The following PPHLN1 variants were observed in gnomAD, a reference collection of about 807,000 sequenced individuals.
The protein encoded by PPHLN1 is periphilin-1.
In PPHLN1, 29 loss-of-function variants were observed where a neutral mutation model predicts 51.3. The observed-to-expected ratio is 0.57, with a 90% CI of 0.42 to 0.77. The LOEUF (loss-of-function observed/expected upper bound fraction) is 0.77, where lower values mean the gene tolerates loss of function less well. Ranked by LOEUF, PPHLN1 falls within the 30% of genes least tolerant of loss-of-function variation. The probability of loss-of-function intolerance (pLI) is 0.00; values close to 1 mark genes in which losing one functional copy is unlikely to be tolerated. For synonymous variants in PPHLN1, 147 were observed against 147.8 expected (o/e 0.99, Z 0.04); for missense variants, 436 against 438.4 (o/e 0.99, Z 0.05).
chr12:42,380,378 A>G (rs1324293309), intron 5 of PPHLN1, among the ~76,000 whole-genome samples: 1 of 152,070 alleles, frequency 6.6e-6, no homozygotes, highest in Non-Finnish European at 1.5e-5. Context: ...GTCAACAGCC[A>G]TTATTAAGAA....
intron 4 of PPHLN1, among the ~76,000 whole-genome samples, chr12:42,366,113 G>C (rs1313404774): frequency 6.6e-6 from 1 of 151,692 alleles, no homozygotes; most frequent in Admixed American, 6.6e-5. Flanking sequence ...ATGCTTCAGG[G>C]TTATGGATAA....
intron 9 of PPHLN1, among the ~76,000 whole-genome samples, chr12:42,417,937 T>TTG (rs1565989109): frequency 6.1e-5 from 3 of 49,344 alleles, no homozygotes; most frequent in African/African-American, 1.2e-4. Flanking sequence ...TTTTTGTTTT[T>TTG]TTTTTGTTTT....
intron 9 of PPHLN1, among the ~76,000 whole-genome samples, chr12:42,414,076 G>T (rs1280168438): frequency 1.3e-5 from 2 of 151,822 alleles, no homozygotes; most frequent in African/African-American, 4.8e-5. Context: ...CACTCTTGTT[G>T]CTCAGGCTGG....
At chr12:42,391,769 G>A (rs148171499) in intron 7 of PPHLN1, among the ~76,000 whole-genome samples, 1 of 152,126 alleles carries the variant, frequency 6.6e-6, no homozygotes, top group African/African-American at 2.4e-5. Context: ...ATATGGACAC[G>A]GCTTTGGAAT....
At chr12:42,348,343 A>G (rs935798493) in intron 2 of PPHLN1, among the ~76,000 whole-genome samples, 1 of 142,168 alleles carries the variant, frequency 7.0e-6, no homozygotes, top group African/African-American at 2.7e-5. Context: ...GCTGGTCTCA[A>G]TCTCCTAACC....
chr12:42,340,364 T>G (rs1316818564), intron 2 of PPHLN1, among the ~76,000 whole-genome samples: 2 of 152,070 alleles, frequency 1.3e-5, no homozygotes, highest in Non-Finnish European at 2.9e-5. Flanking sequence ...ATCTAGTTAT[T>G]TTAAAAACCA....
At chr12:42,333,087 A>T (rs1235527247) in intron 1 of PPHLN1, among the ~76,000 whole-genome samples, 2 of 152,166 alleles carry the variant, frequency 1.3e-5, no homozygotes, top group East Asian at 3.8e-4. Context: ...TAGTCTGTAC[A>T]TATGCATATA....
downstream of PPHLN1, chr12:42,444,508 G>A (rs2083188528): frequency 6.6e-6 from 1 of 151,218 alleles, no homozygotes; most frequent in Non-Finnish European, 1.5e-5. Context: ...GGATTAATAG[G>A]ACAGATGGCC....
intron 2 of PPHLN1, among the ~76,000 whole-genome samples, chr12:42,351,024 G>A (rs1460203856): frequency 1.3e-5 from 2 of 151,936 alleles, no homozygotes; most frequent in East Asian, 1.9e-4. Context: ...AGGGGAAGAG[G>A]GAGAGGGTTT....
chr12:42,380,299 TTTTG>T (rs1438172888), intron 5 of PPHLN1, among the ~76,000 whole-genome samples: 3 of 152,122 alleles, frequency 2.0e-5, no homozygotes, highest in African/African-American at 4.8e-5. Flanking sequence ...TTATTGTTTA[TTTTG>T]TTTGTTTGGC....
At chr12:42,446,620 TGC>T, downstream of PPHLN1, 1 of 1,613,328 alleles carries the variant, frequency 6.2e-7, no homozygotes, top group Non-Finnish European at 8.5e-7. Flanking sequence ...AAGCAGTAAC[TGC>T]TATGCCTGAC....
chr12:42,425,038 T>G (rs201404109), intron 9 of PPHLN1, among the ~76,000 whole-genome samples: 51 of 136,964 alleles, frequency 3.7e-4, no homozygotes, highest in African/African-American at 1.3e-3. Context: ...TTATTTTATT[T>G]TATGTATGTA....
chr12:42,409,171 A>G (rs1223778670), intron 9 of PPHLN1, among the ~76,000 whole-genome samples: 1 of 152,198 alleles, frequency 6.6e-6, no homozygotes, highest in Non-Finnish European at 1.5e-5. Context: ...GGAACTATGG[A>G]AAGCAAAACT....
rs143153198 is a variant in PPHLN1 at position 42,403,890 on chromosome 12, A to C, written c.909+4896A>C. Among the ~76,000 whole-genome samples, 61 of 152,324 alleles carry C rather than the reference A, an allele frequency of 4.0e-4. 1 individual carries two copies. The East Asian group carries it at 0.011, about 28-fold the overall frequency. ...GGTAAGGATTTTACCTAGTGGTTCCAAATTACTGTCCCATGCTACTCAATT... is the reference window on the plus strand; with the variant it reads ...GGTAAGGATTTTACCTAGTGGTTCCCAATTACTGTCCCATGCTACTCAATT... On this transcript the variant is annotated intron_variant, in intron 9 of 9. Transcript: ENST00000358314.
chr12:42,345,104 G>A (rs758373103), intron 2 of PPHLN1, among the ~76,000 whole-genome samples: 8 of 152,038 alleles, frequency 5.3e-5, no homozygotes, highest in Non-Finnish European at 7.4e-5. Context: ...TCCTGTAACC[G>A]ATAGGTATAT....
chr12:42,336,231 A>G (rs998194583), intron 2 of PPHLN1, among the ~76,000 whole-genome samples: 2 of 152,234 alleles, frequency 1.3e-5, no homozygotes, highest in East Asian at 1.9e-4. Flanking sequence ...TTAATTTGTG[A>G]ACAAAATTAC....
chr12:42,426,172 CCACACACACACACACACACA>C (rs71084653), intron 9 of PPHLN1, among the ~76,000 whole-genome samples: 359 of 122,104 alleles, frequency 2.9e-3, no homozygotes, highest in Admixed American at 6.6e-3. Flanking sequence ...AGACTTGACA[CCACACACACACACACACACA>C]CACACACACA....
chr12:42,419,579 T>A (rs2080802081), intron 9 of PPHLN1, among the ~76,000 whole-genome samples: 1 of 152,182 alleles, frequency 6.6e-6, no homozygotes, highest in South Asian at 2.1e-4. Context: ...AATTAAAAAT[T>A]GAAGAGTAGG....
intron 9 of PPHLN1, among the ~76,000 whole-genome samples, chr12:42,403,272 T>C (rs2078998263): frequency 6.6e-6 from 1 of 152,196 alleles, no homozygotes; most frequent in Non-Finnish European, 1.5e-5. Flanking sequence ...AACAATCCAT[T>C]ATTACCAACC....
Sources: gnomAD v4.1 joint callset for allele counts (sites outside exome capture counted in the v4.1 genomes callset) on GRCh38, gnomAD v4.1.1 for gene constraint, MANE v1.5 for transcripts, NCBI Gene and HGNC (gene_info 2026-07-23, HGNC 2026-07-21) for gene names.